The following NCKAP5 variants were observed in gnomAD, a reference collection of about 807,000 sequenced individuals.
NCKAP5 encodes the protein NCK associated protein 5, also known as nck-associated protein 5.
In NCKAP5, 92 loss-of-function variants were observed where a neutral mutation model predicts 167.0. That is an observed-to-expected ratio of 0.55 (90% confidence interval 0.47 to 0.66). The LOEUF (loss-of-function observed/expected upper bound fraction) is 0.66. Among genes scored for constraint, NCKAP5 ranks in the 30% least tolerant of loss-of-function variants. NCKAP5 has a pLI of 0.00. For missense variants in NCKAP5, 2,378 were observed against 2,315.0 expected (o/e 1.03, Z -0.56); for synonymous variants, 891 against 877.4 (o/e 1.02, Z -0.27).
Position 133,116,423 on chromosome 2 carries a change from G to A in NCKAP5, c.341+13555C>T, listed in dbSNP as rs1352792772. ...GAATGGCGTGAACCCGGGAGGCGGA[G>A]CTTGCAGTGAGCCGAGATCGCGCCA... On this transcript the variant is annotated intron_variant, in intron 6 of 19. Coordinates refer to ENST00000409261, the MANE Select transcript of NCKAP5 (RefSeq NM_207363.3). Among the ~76,000 whole-genome samples the A allele has an allele frequency of 1.8e-4, 15 of 83,702 alleles. 4 individuals carry two copies. Among genetic ancestry groups the A allele is most frequent in the African/African-American group, 9.8e-4 (15 of 15,362 alleles). The allele number at this position is 83,702 out of a possible 152,430, so 54.9% of individuals were successfully genotyped here.
chr2:133,647,412 GAAGGAAGA>G, the NCKAP5 span, among the ~76,000 whole-genome samples: 78 of 118,744 alleles, frequency 6.6e-4, 3 homozygotes, highest in African/African-American at 2.6e-3. Context: ...AGGAAGGAAG[GAAGGAAGA>G]GAAAGAAAGG....
In NCKAP5 at chr2:132,703,137, T is replaced by C. The variant is rs560216661; in HGVS notation, c.5713+22490A>G. ...TTGAGATTACAGTGAGCTATGATCATACTAGTACACTCTAGCCTAGATGAC... is the reference window on the plus strand; with the variant it reads ...TTGAGATTACAGTGAGCTATGATCACACTAGTACACTCTAGCCTAGATGAC... On this transcript the variant is annotated intron_variant, in intron 19 of 19. Coordinates refer to ENST00000409261, the MANE Select transcript of NCKAP5 (RefSeq NM_207363.3). Among the ~76,000 whole-genome samples, 35 of 152,200 alleles carry C rather than the reference T, an allele frequency of 2.3e-4. 1 individual carries two copies. The South Asian group carries it at 6.0e-3, about 26-fold the overall frequency.
intron 12 of NCKAP5, among the ~76,000 whole-genome samples, chr2:132,790,882 A>G (rs969457203): frequency 1.3e-5 from 2 of 152,230 alleles, no homozygotes; most frequent in African/African-American, 4.8e-5. Context: ...AGGCAAAAGT[A>G]CCACAAGGGT....
At chr2:133,220,225 C>T (rs2086603850) in intron 4 of NCKAP5, among the ~76,000 whole-genome samples, 1 of 152,172 alleles carries the variant, frequency 6.6e-6, no homozygotes, top group Non-Finnish European at 1.5e-5. Context: ...AAGCCAGTAG[C>T]TCATTATGAA....
intron 9 of NCKAP5, among the ~76,000 whole-genome samples, chr2:132,875,035 G>C (rs146712326): frequency 6.6e-6 from 1 of 152,110 alleles, no homozygotes; most frequent in Non-Finnish European, 1.5e-5. Flanking sequence ...GGTGGAGGGA[G>C]CTTTCATCCT....
At chr2:132,946,503 C>T (rs1214212125) in intron 8 of NCKAP5, among the ~76,000 whole-genome samples, 2 of 152,148 alleles carry the variant, frequency 1.3e-5, no homozygotes, top group Non-Finnish European at 2.9e-5. Context: ...CCCTACATGT[C>T]CCAAAAACAT....
At chr2:133,308,749 C>T (rs113650841) in intron 3 of NCKAP5, among the ~76,000 whole-genome samples, 15,162 of 129,668 alleles carry the variant, frequency 0.12, 1,150 homozygotes, top group Middle Eastern at 0.21. Flanking sequence ...TCGCCCAGGC[C>T]GGACTGCGGA....
intron 19 of NCKAP5, among the ~76,000 whole-genome samples, chr2:132,710,884 A>T (rs1006788): frequency 0.7 from 103,120 of 146,404 alleles, 35,960 homozygotes; most frequent in East Asian, 0.85. Flanking sequence ...CAATTTTTTT[A>T]AAAAAAAGAT....
At chr2:132,764,462 G>A (rs1221905827) in intron 16 of NCKAP5, among the ~76,000 whole-genome samples, 1 of 152,192 alleles carries the variant, frequency 6.6e-6, no homozygotes. Flanking sequence ...GGTGAACTCA[G>A]TGCAGCCACA....
Position 133,189,258 on chromosome 2 carries a change from C to A in NCKAP5, c.207+24458G>T, listed in dbSNP as rs186120282. Among the ~76,000 whole-genome samples, 18 of 152,202 alleles carry A rather than the reference C, an allele frequency of 1.2e-4. No homozygotes were observed. In the East Asian group the frequency reaches 3.1e-3, roughly 26 times the overall value. ...GGAAGAAGTTGAATCTCTGAATAGACCGATAACAGGCTCTGAAATTGAGGC... is the reference window on the plus strand; with the variant it reads ...GGAAGAAGTTGAATCTCTGAATAGAACGATAACAGGCTCTGAAATTGAGGC... On this transcript the variant is annotated intron_variant, in intron 5 of 19. Coordinates refer to ENST00000409261, the MANE Select transcript of NCKAP5 (RefSeq NM_207363.3).
intron 3 of NCKAP5, among the ~76,000 whole-genome samples, chr2:133,424,716 G>A (rs2164325): frequency 1.3e-5 from 2 of 152,264 alleles, no homozygotes; most frequent in Non-Finnish European, 1.5e-5. Flanking sequence ...CATTAGGAAC[G>A]TGTTAGAAGT....
the NCKAP5 span, among the ~76,000 whole-genome samples, chr2:133,636,073 G>A: frequency 1.3e-5 from 2 of 152,242 alleles, 1 homozygote; most frequent in South Asian, 4.1e-4. Context: ...GATAGCTGAG[G>A]AGGTTGGAAG....
intron 6 of NCKAP5, chr2:133,117,223 C>T (rs2082111669): frequency 6.6e-6 from 1 of 152,140 alleles, no homozygotes; most frequent in Admixed American, 6.5e-5. Context: ...ACACTGGTAC[C>T]TAAAATAGTG....
At chr2:132,801,131 C>A (rs1684999621) in intron 11 of NCKAP5, among the ~76,000 whole-genome samples, 1 of 152,168 alleles carries the variant, frequency 6.6e-6, no homozygotes, top group African/African-American at 2.4e-5. Context: ...TGGCTTCATG[C>A]AGACAACTCA....
At chr2:133,422,302 A>C (rs1016642988) in intron 3 of NCKAP5, among the ~76,000 whole-genome samples, 1 of 152,386 alleles carries the variant, frequency 6.6e-6, no homozygotes, top group Non-Finnish European at 1.5e-5. Context: ...GATTGCTTAC[A>C]TAAATGCCAC....
At chr2:132,997,639 C>G (rs1312944957) in intron 6 of NCKAP5, among the ~76,000 whole-genome samples, 5 of 152,048 alleles carry the variant, frequency 3.3e-5, no homozygotes, top group Non-Finnish European at 7.4e-5. Flanking sequence ...ACAGCAGCCT[C>G]TTTCTACTTG....
At chr2:133,225,150 T>C (rs1210520918) in intron 4 of NCKAP5, among the ~76,000 whole-genome samples, 1 of 152,196 alleles carries the variant, frequency 6.6e-6, no homozygotes, top group Non-Finnish European at 1.5e-5. Context: ...AGAACTTTAT[T>C]AATAATGTTC....
intron 3 of NCKAP5, among the ~76,000 whole-genome samples, chr2:133,489,056 T>G (rs1268110550): frequency 2.6e-5 from 4 of 152,182 alleles, no homozygotes; most frequent in Admixed American, 6.5e-5. Flanking sequence ...GCCACTGCAC[T>G]CCAGCCTGAG....
At chr2:133,610,102 C>T in the NCKAP5 span, among the ~76,000 whole-genome samples, 9 of 152,260 alleles carry the variant, frequency 5.9e-5, no homozygotes, top group East Asian at 7.7e-4. Flanking sequence ...TACATCGCAT[C>T]GATTTTCTAT....
Sources: gnomAD v4.1 joint callset for allele counts (sites outside exome capture counted in the v4.1 genomes callset) on GRCh38, gnomAD v4.1.1 for gene constraint, MANE v1.5 for transcripts, NCBI Gene and HGNC (gene_info 2026-07-23, HGNC 2026-07-21) for gene names.